CHST11: variants seen among roughly 807,000 people sequenced by gnomAD.
CHST11 encodes C4S-1.
CHST11 carries 9 observed loss-of-function variants against 30.4 expected under a neutral mutation model. That is an observed-to-expected ratio of 0.30 (90% CI 0.18 to 0.52). The LOEUF (loss-of-function observed/expected upper bound fraction) is 0.52, where lower values mean the gene tolerates loss of function less well. Among genes scored for constraint, CHST11 ranks in the 20% least tolerant of loss-of-function variants. CHST11 has a pLI of 0.97. For missense variants in CHST11, 348 were observed against 460.6 expected (o/e 0.76, Z 2.24); for synonymous variants, 152 against 187.8 (o/e 0.81, Z 1.56).
intron 2 of CHST11, among the ~76,000 whole-genome samples, chr12:104,710,643 G>C (rs1174825144): frequency 1.3e-5 from 2 of 152,186 alleles, no homozygotes; most frequent in Non-Finnish European, 2.9e-5. Flanking sequence ...CTTTTCCTTT[G>C]ATGTTAGTTA....
chr12:104,477,222 AGT>A (rs1203800337), intron 1 of CHST11, among the ~76,000 whole-genome samples: 1 of 152,178 alleles, frequency 6.6e-6, no homozygotes, highest in Non-Finnish European at 1.5e-5. Flanking sequence ...TAAATCATTT[AGT>A]CTTCTCCACA....
At chr12:104,531,340 A>G (rs2038181488) in intron 1 of CHST11, among the ~76,000 whole-genome samples, 1 of 151,996 alleles carries the variant, frequency 6.6e-6, no homozygotes, top group Non-Finnish European at 1.5e-5. Context: ...AATGTAAAAA[A>G]TTAGCCAGGT....
At chr12:104,635,070 G>A (rs1057297562) in intron 2 of CHST11, among the ~76,000 whole-genome samples, 4 of 144,076 alleles carry the variant, frequency 2.8e-5, no homozygotes, top group African/African-American at 9.8e-5. Flanking sequence ...CCTGTTCCTG[G>A]GTATGGAGTC....
At chr12:104,672,240 G>T (rs1394011471) in intron 2 of CHST11, among the ~76,000 whole-genome samples, 1 of 143,762 alleles carries the variant, frequency 7.0e-6, no homozygotes, top group Admixed American at 6.7e-5. Context: ...GGAGAGAGGG[G>T]ATTGTCCCTC....
intron 2 of CHST11, among the ~76,000 whole-genome samples, chr12:104,619,778 G>T (rs1190515795): frequency 2.6e-5 from 4 of 152,128 alleles, no homozygotes; most frequent in Admixed American, 2.0e-4. Flanking sequence ...AACTCATCTC[G>T]CAAACCCATT....
intron 2 of CHST11, among the ~76,000 whole-genome samples, chr12:104,707,987 C>T (rs2040051438): frequency 6.6e-6 from 1 of 151,874 alleles, no homozygotes; most frequent in Non-Finnish European, 1.5e-5. Context: ...CATGTGCATA[C>T]AGACACAGTT....
chr12:104,729,732 G>A lies in CHST11; in HGVS notation c.205-27217G>A, dbSNP rs756253853. ...GCAGACGGTGGCCTGGTGAAGTGCCGTGTACCTAGGAGTTGAGGGGGAGCT... is the reference window on the plus strand; with the variant it reads ...GCAGACGGTGGCCTGGTGAAGTGCCATGTACCTAGGAGTTGAGGGGGAGCT... On this transcript the variant is annotated intron_variant, in intron 2 of 2. Coordinates refer to ENST00000303694, the MANE Select transcript of CHST11 (RefSeq NM_018413.6). The surrounding 1 kb of genome is among the most constrained non-coding windows in gnomAD (Gnocchi z 4.0). 5.9e-5 allele frequency among the ~76,000 whole-genome samples: 9 copies of A among 152,164 alleles called. No individual in the cohort carries two copies. Among genetic ancestry groups the A allele is most frequent in the Non-Finnish European group, 8.8e-5 (6 of 68,024 alleles).
At chr12:104,571,228 A>T (rs1442478564) in intron 1 of CHST11, among the ~76,000 whole-genome samples, 1 of 148,944 alleles carries the variant, frequency 6.7e-6, no homozygotes, top group South Asian at 2.1e-4. Context: ...CAATGGCCCG[A>T]TCTCAGCTTA....
chr12:104,739,078 G>T (rs1464115232), intron 2 of CHST11, among the ~76,000 whole-genome samples: 1 of 152,224 alleles, frequency 6.6e-6, no homozygotes, highest in African/African-American at 2.4e-5. Context: ...CCTGCAGGTG[G>T]CAGACGCTGT....
rs978085131 is a variant in CHST11 at position 104,461,042 on chromosome 12, G to A, written c.118+3513G>A. On this transcript the variant is annotated intron_variant, in intron 1 of 2. Transcript: ENST00000303694. ...ACTCCAGAAGTAGACCCACTTCTCTGGTTTTCAGGAAGGTCACTTCTAGCC... is the reference window on the plus strand; with the variant it reads ...ACTCCAGAAGTAGACCCACTTCTCTAGTTTTCAGGAAGGTCACTTCTAGCC... Among the ~76,000 whole-genome samples the A allele has an allele frequency of 2.0e-5, 3 of 152,172 alleles. No individual in the cohort carries two copies. The South Asian group carries it at 6.2e-4, about 32-fold the overall frequency.
At chr12:104,523,320 A>G (rs933744138) in intron 1 of CHST11, among the ~76,000 whole-genome samples, 2 of 152,162 alleles carry the variant, frequency 1.3e-5, no homozygotes, top group Non-Finnish European at 1.5e-5. Context: ...GAGGACCCAC[A>G]TGCTTTGGAG....
chr12:104,613,040 T>C (rs1158159473), intron 2 of CHST11, among the ~76,000 whole-genome samples: 2 of 151,998 alleles, frequency 1.3e-5, no homozygotes, highest in South Asian at 2.1e-4. Flanking sequence ...CTGGGCAACA[T>C]GGCAAAACCC....
At chr12:104,474,896 C>T (rs909320571) in intron 1 of CHST11, among the ~76,000 whole-genome samples, 2 of 152,126 alleles carry the variant, frequency 1.3e-5, no homozygotes, top group Non-Finnish European at 1.5e-5. Context: ...CCTTGGACGG[C>T]GGTAGGGGGT....
At chr12:104,753,324 G>A (rs1281675664) in intron 2 of CHST11, among the ~76,000 whole-genome samples, 3 of 152,156 alleles carry the variant, frequency 2.0e-5, no homozygotes, top group Admixed American at 6.5e-5. Flanking sequence ...AATAATCTCC[G>A]TTATTACTGA....
At chr12:104,529,592 C>T (rs1429242798) in intron 1 of CHST11, among the ~76,000 whole-genome samples, 1 of 152,146 alleles carries the variant, frequency 6.6e-6, no homozygotes, top group Non-Finnish European at 1.5e-5. Flanking sequence ...GATCAGAGAC[C>T]CAGCCTTCTA....
chr12:104,494,323 T>G (rs981025550), intron 1 of CHST11, among the ~76,000 whole-genome samples: 3 of 152,236 alleles, frequency 2.0e-5, no homozygotes, highest in African/African-American at 7.2e-5. Flanking sequence ...CCTTGGCCTC[T>G]TAGTGTCTAT....
intron 2 of CHST11, among the ~76,000 whole-genome samples, chr12:104,618,396 G>A (rs918998600): frequency 4.0e-5 from 6 of 151,554 alleles, no homozygotes; most frequent in Non-Finnish European, 8.8e-5. Flanking sequence ...GTTAATTGTT[G>A]TTGTTGTTTT....
At chr12:104,666,989 A>G (rs835487) in intron 2 of CHST11, among the ~76,000 whole-genome samples, 65,064 of 152,052 alleles carry the variant, frequency 0.43, 15,045 homozygotes, top group African/African-American at 0.62. Context: ...AATAGGAGGT[A>G]CCTTTAAAAC....
intron 1 of CHST11, among the ~76,000 whole-genome samples, chr12:104,575,920 C>A (rs1440627598): frequency 6.6e-6 from 1 of 151,876 alleles, no homozygotes; most frequent in Non-Finnish European, 1.5e-5. Flanking sequence ...AAAATTCATT[C>A]TTGTCTTCTA....
Sources: allele counts gnomAD v4.1 joint callset (sites outside exome capture counted in the v4.1 genomes callset), GRCh38; gene constraint gnomAD v4.1.1; non-coding constraint Gnocchi (gnomAD v3.1); transcripts MANE v1.5; gene names NCBI Gene and HGNC (gene_info 2026-07-23, HGNC 2026-07-21).